Variants in SPTB observed in about 807,000 individuals in gnomAD.
SPTB encodes the protein spectrin beta, erythrocytic.
A neutral mutation model predicts 256.2 loss-of-function variants in SPTB; 45 were observed. That is an observed-to-expected ratio of 0.18 (90% CI 0.14 to 0.23). The LOEUF (loss-of-function observed/expected upper bound fraction) is 0.23. Ranked by LOEUF, SPTB falls within the 10% of genes least tolerant of loss-of-function variation. The pLI, the probability that SPTB is intolerant of heterozygous loss-of-function variation, is 1.00. For synonymous variants in SPTB, 1,231 were observed against 1,243.1 expected (o/e 0.99, Z 0.21); for missense variants, 2,715 against 3,040.4 (o/e 0.89, Z 2.52).
intron 28 of SPTB, 108 bp from the exon 29 acceptor site, chr14:64,769,226 G>A (rs2082240596): frequency 2.7e-6 from 3 of 1,124,016 alleles, no homozygotes; most frequent in South Asian, 2.5e-5. Flanking sequence ...CTACAGCCCT[G>A]GCTTCAAGTC....
intron 2 of SPTB, among the ~76,000 whole-genome samples, chr14:64,814,646 G>C (rs2083155713): frequency 6.6e-6 from 1 of 152,126 alleles, no homozygotes; most frequent in Non-Finnish European, 1.5e-5. Flanking sequence ...CTCCCGAGTA[G>C]CTGGGATCAC....
At position 64,785,856 on chromosome 14, in the gene SPTB, G is replaced by A. The variant is rs2082556233; in HGVS notation, c.3657C>T (p.Asn1219=). 1 of 1,614,122 alleles carries A rather than the reference G, an allele frequency of 6.2e-7. No homozygotes were observed. Residue 1219 remains asparagine (N), a synonymous_variant, in exon 17 of 36, where the codon AAC becomes AAT. Coordinates refer to ENST00000644917, the MANE Select transcript of SPTB (RefSeq NM_001355436.2). This position sits in a 1 kb window ranked among gnomAD's most constrained non-coding sequence, Gnocchi z 4.4. ...KFEDFLGSME[N]NRDKVLSPVD... is the part of the protein sequence containing the mutation. ...CAGGACTCAAGACCTTATCCCGGTTGTTCTCCATAGACCCCAAGAAATCCT... is the reference window on the plus strand; with the variant it reads ...CAGGACTCAAGACCTTATCCCGGTTATTCTCCATAGACCCCAAGAAATCCT...
intron 23 of SPTB, 111 bp from the exon 24 acceptor site, chr14:64,774,638 G>C: frequency 6.8e-7 from 1 of 1,471,084 alleles, no homozygotes. Flanking sequence ...GAGTAGGCTT[G>C]TGGGACACCC....
At chr14:64,763,106 C>T (rs967980953) in intron 32 of SPTB, among the ~76,000 whole-genome samples, 1 of 152,232 alleles carries the variant, frequency 6.6e-6, no homozygotes, top group Non-Finnish European at 1.5e-5. Flanking sequence ...CATTTCTTCT[C>T]CATGCAATCC....
At position 64,784,534 on chromosome 14, in the gene SPTB, G is replaced by T. The variant is rs528967685; in HGVS notation, c.3856-141C>A. ...AGAAGAGAACCCATCTGCAGTTCTG[G>T]ATCCCTCTGTACCAGCACAGGCAAC... is the stretch of plus-strand genomic sequence containing the variant. On this transcript the variant is annotated intron_variant, in intron 18 of 35. Coordinates refer to ENST00000644917, the MANE Select transcript of SPTB (RefSeq NM_001355436.2). The T allele has an allele frequency of 1.3e-5, 15 of 1,159,962 alleles. No homozygotes were observed. The African/African-American group carries it at 1.7e-4, about 13-fold the overall frequency. The allele number at this position is 1,159,962 out of a possible 1,614,324, so 71.9% of individuals were successfully genotyped here.
rs777640137 is a variant in SPTB at position 64,758,187 on chromosome 14, T to G, written c.6346-4394A>C. On this transcript the variant is annotated intron_variant, in intron 32 of 35. Transcript: ENST00000644917. The surrounding 1 kb of genome is among the most constrained non-coding windows in gnomAD (Gnocchi z 4.6). ...CCCTGGGGCTTTGCCGAGCAATTATTGTGGCCAGTGTCCTGTGGGGCTGGT... is the reference window on the plus strand; with the variant it reads ...CCCTGGGGCTTTGCCGAGCAATTATGGTGGCCAGTGTCCTGTGGGGCTGGT... Among the ~76,000 whole-genome samples the G allele has an allele frequency of 2.6e-5, 4 of 152,238 alleles. No homozygotes were observed. The highest frequency in any genetic ancestry group is 4.4e-5 in the Non-Finnish European group (3 of 68,042).
chr14:64,795,690 A>G lies in SPTB; in HGVS notation c.1342-51T>C. 2 of 1,595,902 alleles carry G rather than the reference A, an allele frequency of 1.3e-6. No individual in the cohort carries two copies. Among genetic ancestry groups the G allele is most frequent in the Non-Finnish European group, 1.7e-6 (2 of 1,165,914 alleles). On this transcript the variant is annotated intron_variant, in intron 11 of 35. Coordinates refer to ENST00000644917, the MANE Select transcript of SPTB (RefSeq NM_001355436.2). The surrounding 1 kb of genome is among the most constrained non-coding windows in gnomAD (Gnocchi z 6.5). ...AGCTCAGTCAGACACCCAGGGGCTCATCCCCAAACTCAGGGACAGGGCAGC... is the reference window on the plus strand; with the variant it reads ...AGCTCAGTCAGACACCCAGGGGCTCGTCCCCAAACTCAGGGACAGGGCAGC...
chr14:64,760,377 T>G lies in SPTB; in HGVS notation c.6345+6349A>C, dbSNP rs1251884716. ...TCAACCAGCAGGTGGCGCGGGGGACTGCACACAGACAACAAACTCCTCAGG... is the reference window on the plus strand; with the variant it reads ...TCAACCAGCAGGTGGCGCGGGGGACGGCACACAGACAACAAACTCCTCAGG... On this transcript the variant is annotated intron_variant, in intron 32 of 35. Coordinates refer to ENST00000644917, the MANE Select transcript of SPTB (RefSeq NM_001355436.2). The surrounding 1 kb of genome is among the most constrained non-coding windows in gnomAD (Gnocchi z 4.3). Among the ~76,000 whole-genome samples the G allele has an allele frequency of 6.6e-6, 1 of 152,138 alleles. No homozygotes were observed. Among genetic ancestry groups the G allele is most frequent in the East Asian group, 1.9e-4 (1 of 5,184 alleles).
chr14:64,849,424 A>G (rs1051241142), intron 1 of SPTB, among the ~76,000 whole-genome samples: 1 of 152,224 alleles, frequency 6.6e-6, no homozygotes, highest in Non-Finnish European at 1.5e-5. Flanking sequence ...TGTCACAGCA[A>G]TGTTTATATT....
At position 64,845,393 on chromosome 14, in the gene SPTB, T is replaced by C. The variant is rs996323883; in HGVS notation, c.-51-22248A>G. Among the ~76,000 whole-genome samples, 3 of 152,268 alleles carry C rather than the reference T, an allele frequency of 2.0e-5. No individual in the cohort carries two copies. Among genetic ancestry groups the C allele is most frequent in the Non-Finnish European group, 4.4e-5 (3 of 68,048 alleles). On this transcript the variant is annotated intron_variant, in intron 1 of 35. Transcript: ENST00000644917. This position sits in a 1 kb window ranked among gnomAD's most constrained non-coding sequence, Gnocchi z 4.8. Reference sequence around the variant, plus strand: ...ACTGGCTGTGTGGCACAAGTGGCTGTGTGCCTTTGGAAACTATAAGCCTAT... The same window carrying C: ...ACTGGCTGTGTGGCACAAGTGGCTGCGTGCCTTTGGAAACTATAAGCCTAT...
intron 2 of SPTB, among the ~76,000 whole-genome samples, chr14:64,822,401 C>CACACACACACACACACACAGCA (rs1555374137): frequency 7.3e-6 from 1 of 136,522 alleles, no homozygotes; most frequent in African/African-American, 2.9e-5. Context: ...CACACACACA[C>CACACACACACACACACACAGCA]AGAGAGATCT....
At chr14:64,761,099 A>G (rs549906901) in intron 32 of SPTB, among the ~76,000 whole-genome samples, 5 of 152,230 alleles carry the variant, frequency 3.3e-5, no homozygotes, top group Non-Finnish European at 7.3e-5. Flanking sequence ...TTAGGCAACC[A>G]AAGAGTGCTG....
rs1175000439 is a variant in SPTB, at chr14:64,790,102, A to C, written c.2804+1617T>G. ...GGAAGAGCAAACTTTTTAACCAAAA[A>C]GAATTGCCCAAAAATGAGATAGGCT... On this transcript the variant is annotated intron_variant, in intron 15 of 35. Transcript: ENST00000644917. The surrounding 1 kb of genome is among the most constrained non-coding windows in gnomAD (Gnocchi z 4.8). Among the ~76,000 whole-genome samples, 1 of 152,224 alleles carries C rather than the reference A, an allele frequency of 6.6e-6. No individual in the cohort carries two copies. Among genetic ancestry groups the C allele is most frequent in the African/African-American group, 2.4e-5 (1 of 41,456 alleles).
At chr14:64,863,883 T>C (rs1263046234) in intron 1 of SPTB, among the ~76,000 whole-genome samples, 4 of 152,208 alleles carry the variant, frequency 2.6e-5, no homozygotes, top group Non-Finnish European at 5.9e-5. Flanking sequence ...TGACTAGCCT[T>C]AGCCTCCTCA....
chr14:64,786,766 G>A lies in SPTB; in HGVS notation c.3199C>T (p.Leu1067=), dbSNP rs1241419205. The A allele has an allele frequency of 6.2e-7, 1 of 1,613,968 alleles. No homozygotes were observed. The highest frequency in any genetic ancestry group is 2.2e-5 in the East Asian group (1 of 44,888). The part of the protein sequence containing the change: ...LGEVSQLQAF[L]QDLDDFQAWL... ...GCCTGGAAGTCATCCAGATCCTGCA[G>A]GAAGGCCTGCAGCTGGCTGACTTCC... The change falls in exon 16 of 36, where the codon CTG becomes TTG. Residue 1067 remains leucine, a synonymous_variant. Transcript: ENST00000644917. The surrounding 1 kb of genome is among the most constrained non-coding windows in gnomAD (Gnocchi z 5.6).
rs1026478017 is a variant in SPTB, at chr14:64,844,233, T to C, written c.-51-21088A>G. 5.3e-5 allele frequency among the ~76,000 whole-genome samples: 8 copies of C among 152,146 alleles called. No individual in the cohort carries two copies. The highest frequency in any genetic ancestry group is 1.7e-4 in the African/African-American group (7 of 41,422). ...AGCTAGAAAGCCCAGCCTGTCTTTA[T>C]TATTATAGTTACCCTTGACTGCCAG... On this transcript the variant is annotated intron_variant, in intron 1 of 35. Coordinates refer to ENST00000644917, the MANE Select transcript of SPTB (RefSeq NM_001355436.2). The surrounding 1 kb of genome is among the most constrained non-coding windows in gnomAD (Gnocchi z 4.1).
chr14:64,804,905 G>A (rs773082803), intron 3 of SPTB, 34 bp downstream of exon 3: 74 of 1,612,904 alleles, frequency 4.6e-5, no homozygotes, highest in Non-Finnish European at 6.1e-5. Flanking sequence ...GGGGCCGATG[G>A]CAGCAGCCCC....
intron 9 of SPTB, 46 bp from the exon 10 acceptor site, chr14:64,797,892 G>A: frequency 6.7e-7 from 1 of 1,494,142 alleles, no homozygotes; most frequent in East Asian, 2.3e-5. Flanking sequence ...AGATCTCATG[G>A]CCAAATTTTT....
rs141214410 is a variant in SPTB, at chr14:64,779,210, C to T, written c.4510G>A (p.Ala1504Thr). ...GTTTGCAGATTAGTGCCATAGTCGG[C>T]TGACTGGGCCAGAGGCAGCCTCTCC... ...VEERLPLAQS[A>T]DYGTNLQTVQ... Residue 1504 changes from alanine (A) to threonine (T), a missense_variant, in exon 22 of 36, where the codon GCC (alanine) becomes ACC (threonine). By Grantham distance (58) the Ala-to-Thr change is moderately conservative (BLOSUM62 0). Transcript: ENST00000644917. The surrounding 1 kb of genome is among the most constrained non-coding windows in gnomAD (Gnocchi z 4.2). The T allele has an allele frequency of 5.6e-6, 9 of 1,613,898 alleles. No homozygotes were observed. In the African/African-American group the frequency reaches 1.1e-4, roughly 19 times the overall value.
Sources: gnomAD v4.1 joint callset for allele counts (sites outside exome capture counted in the v4.1 genomes callset) on GRCh38, gnomAD v4.1.1 for gene constraint, Gnocchi (gnomAD v3.1) non-coding constraint, MANE v1.5 for transcripts, NCBI Gene and HGNC (gene_info 2026-07-23, HGNC 2026-07-21) for gene names.